The following PRKN variants were observed in gnomAD, a reference collection of about 807,000 sequenced individuals.
PRKN encodes the protein E3 ubiquitin-protein ligase parkin.
PRKN carries 56 observed loss-of-function variants against 59.5 expected under a neutral mutation model. The observed-to-expected ratio is 0.94, with a 90% CI of 0.76 to 1.18. The LOEUF is 1.18. PRKN is among the 50% of genes most tolerant of loss of function. PRKN has a pLI of 0.00. For synonymous variants in PRKN, 250 were observed against 222.1 expected (o/e 1.13, Z -1.12); for missense variants, 657 against 596.4 (o/e 1.10, Z -1.06).
chr6:162,373,344 T>C (rs1785873584), intron 2 of PRKN, among the ~76,000 whole-genome samples: 1 of 152,184 alleles, frequency 6.6e-6, no homozygotes, highest in Non-Finnish European at 1.5e-5. Flanking sequence ...CTTTTGTGTT[T>C]GTTGAGTTAA....
At chr6:161,367,327 C>T (rs769494609) in intron 10 of PRKN, among the ~76,000 whole-genome samples, 4 of 152,006 alleles carry the variant, frequency 2.6e-5, no homozygotes, top group East Asian at 1.9e-4. Context: ...GTGTTTTAGC[C>T]GGCAGGACAG....
chr6:161,559,073 A>C (rs1780356221), intron 8 of PRKN, among the ~76,000 whole-genome samples: 1 of 130,712 alleles, frequency 7.7e-6, no homozygotes, highest in Non-Finnish European at 1.8e-5. Context: ...AAAACCAGTA[A>C]ACAAAAAAAA....
intron 2 of PRKN, among the ~76,000 whole-genome samples, chr6:162,283,646 G>A (rs1315544458): frequency 6.6e-6 from 1 of 152,146 alleles, no homozygotes; most frequent in African/African-American, 2.4e-5. Context: ...CTCAACGTCT[G>A]AGTAGCTGGG....
intron 3 of PRKN, among the ~76,000 whole-genome samples, chr6:162,255,543 T>G (rs928283251): frequency 1.3e-5 from 2 of 152,164 alleles, no homozygotes; most frequent in African/African-American, 4.8e-5. Flanking sequence ...AGGGGGCCAA[T>G]GATTCTGCAT....
intron 6 of PRKN, among the ~76,000 whole-genome samples, chr6:161,810,416 CT>C (rs1478642541): frequency 1.3e-5 from 2 of 152,178 alleles, no homozygotes; most frequent in Non-Finnish European, 2.9e-5. Flanking sequence ...TAAGAAAACT[CT>C]TGAATGGATT....
intron 9 of PRKN, among the ~76,000 whole-genome samples, chr6:161,439,989 C>T (rs1168368708): frequency 1.3e-5 from 2 of 151,104 alleles, no homozygotes; most frequent in East Asian, 1.9e-4. Context: ...CTCACTCTGC[C>T]GCCCAGGCTG....
At chr6:161,888,375 C>T (rs952658314) in intron 6 of PRKN, among the ~76,000 whole-genome samples, 2 of 152,136 alleles carry the variant, frequency 1.3e-5, no homozygotes, top group Admixed American at 6.6e-5. Flanking sequence ...TGTTGTAATG[C>T]GGTACAACCT....
rs149300000 is a variant in PRKN at position 161,859,847 on chromosome 6, G to A, written c.735-73939C>T. Among the ~76,000 whole-genome samples, 312 of 152,124 alleles carry A rather than the reference G, an allele frequency of 2.1e-3. 2 individuals carry two copies. Among genetic ancestry groups the A allele is most frequent in the Middle Eastern group, 0.017 (5 of 294 alleles). ...AAATTCATATCAAGAAAAATACTAA[G>A]ATTTATATATAAAGCAACAATAATG... On this transcript the variant is annotated intron_variant, in intron 6 of 11. Coordinates refer to ENST00000366898, the MANE Select transcript of PRKN (RefSeq NM_004562.3).
intron 7 of PRKN, among the ~76,000 whole-genome samples, chr6:161,627,523 G>A (rs539633195): frequency 1.7e-4 from 26 of 152,332 alleles, no homozygotes; most frequent in Middle Eastern, 3.4e-3. Flanking sequence ...AAAGCCCATC[G>A]CCAGACAGTC....
chr6:162,604,836 C>A (rs1781847916), intron 1 of PRKN, among the ~76,000 whole-genome samples: 1 of 152,006 alleles, frequency 6.6e-6, no homozygotes, highest in Non-Finnish European at 1.5e-5. Context: ...ATTTATCAGC[C>A]TCCAGCAAAA....
Position 162,412,022 on chromosome 6 carries a change from A to ATT in PRKN, c.171+31286_171+31287dup, listed in dbSNP as rs34662241. ...ATTTCTTTGGTCACAGCTGAGAGGCATTTTTTTTTTTCTGATCTGGAAAAC... is the reference window on the plus strand; with the variant it reads ...ATTTCTTTGGTCACAGCTGAGAGGCATTTTTTTTTTTTTCTGATCTGGAAAAC... On this transcript the variant is annotated intron_variant, in intron 2 of 11. Coordinates refer to ENST00000366898, the MANE Select transcript of PRKN (RefSeq NM_004562.3). Among the ~76,000 whole-genome samples, 643 of 149,310 alleles carry ATT rather than the reference A, an allele frequency of 4.3e-3. 7 individuals are homozygous for ATT. The highest frequency in any genetic ancestry group is 0.015 in the African/African-American group (599 of 40,784).
At chr6:162,637,798 A>C (rs1411615417) in intron 1 of PRKN, among the ~76,000 whole-genome samples, 2 of 152,206 alleles carry the variant, frequency 1.3e-5, no homozygotes, top group African/African-American at 4.8e-5. Context: ...AACTTCTTTA[A>C]AAGTCACTAT....
At chr6:162,120,559 G>A (rs577573272) in intron 4 of PRKN, among the ~76,000 whole-genome samples, 3 of 152,204 alleles carry the variant, frequency 2.0e-5, no homozygotes, top group Admixed American at 1.3e-4. Context: ...GCTTTTGGTG[G>A]TAAGGTGATA....
intron 1 of PRKN, among the ~76,000 whole-genome samples, chr6:162,562,539 G>A (rs1237117043): frequency 6.6e-6 from 1 of 152,172 alleles, no homozygotes; most frequent in East Asian, 1.9e-4. Context: ...GGCCTTAAGG[G>A]AACATCAGGG....
rs60895996 is a variant in PRKN, at chr6:162,411,246, C to T, written c.171+32064G>A. ...TTTCAAGACAAGCATTTGAATCCTA[C>T]TTTACAAGAAGTGACTAGGTTAATT... On this transcript the variant is annotated intron_variant, in intron 2 of 11. Coordinates refer to ENST00000366898, the MANE Select transcript of PRKN (RefSeq NM_004562.3). Among the ~76,000 whole-genome samples, 608 of 152,294 alleles carry T rather than the reference C, an allele frequency of 4.0e-3. 7 individuals are homozygous for T. The highest frequency in any genetic ancestry group is 0.014 in the African/African-American group (583 of 41,560).
At chr6:162,343,674 A>G (rs1583414212) in intron 2 of PRKN, among the ~76,000 whole-genome samples, 2 of 151,294 alleles carry the variant, frequency 1.3e-5, no homozygotes, top group East Asian at 3.9e-4. Flanking sequence ...GTTTCTGTAC[A>G]TTCATTTTCA....
At chr6:162,498,184 T>TAA (rs1793158042) in intron 1 of PRKN, among the ~76,000 whole-genome samples, 2 of 152,080 alleles carry the variant, frequency 1.3e-5, no homozygotes, top group African/African-American at 4.8e-5. Flanking sequence ...TTGTGCTTAT[T>TAA]GCTACTTACT....
chr6:162,393,684 G>A (rs1279842874), intron 2 of PRKN, among the ~76,000 whole-genome samples: 1 of 152,134 alleles, frequency 6.6e-6, no homozygotes. Flanking sequence ...ACATGGTATT[G>A]TGGTAAGAGT....
intron 1 of PRKN, among the ~76,000 whole-genome samples, chr6:162,679,474 C>T (rs1779688425): frequency 6.6e-6 from 1 of 152,078 alleles, no homozygotes; most frequent in Non-Finnish European, 1.5e-5. Flanking sequence ...TTTATGAATC[C>T]TGCTCTTGGT....
Sources: allele counts gnomAD v4.1 joint callset (sites outside exome capture counted in the v4.1 genomes callset), GRCh38; gene constraint gnomAD v4.1.1; transcripts MANE v1.5; gene names NCBI Gene and HGNC (gene_info 2026-07-23, HGNC 2026-07-21).